Variants in RPS6KA2 observed in about 807,000 individuals in gnomAD.
RPS6KA2 encodes the protein ribosomal protein S6 kinase A2, also known as ribosomal protein S6 kinase alpha-2.
Under a neutral mutation model 91.8 loss-of-function variants are expected in RPS6KA2, and 42 were observed. That is an observed-to-expected ratio of 0.46 (90% confidence interval 0.36 to 0.59). RPS6KA2 has a LOEUF of 0.59. RPS6KA2 is among the 20% of genes least tolerant of loss of function. RPS6KA2 has a pLI of 0.00. For synonymous variants in RPS6KA2, 414 were observed against 393.6 expected, an observed-to-expected ratio of 1.05 and a Z score of -0.61; for missense variants, 798 against 978.5, an observed-to-expected ratio of 0.82 and a Z score of 2.46.
chr6:166,422,821 GA>G (rs1242594695), intron 17 of RPS6KA2, among the ~76,000 whole-genome samples: 1 of 152,090 alleles, frequency 6.6e-6, no homozygotes, highest in Non-Finnish European at 1.5e-5. Context: ...AACCAATCTG[GA>G]GTGAGAATTG....
chr6:166,757,805 T>G (rs769544339), intron 2 of RPS6KA2: 32 of 302,672 alleles, frequency 1.1e-4, no homozygotes, highest in Non-Finnish European at 1.7e-4. Context: ...TTGAAAAAAC[T>G]CTGGCTGCAG....
intron 17 of RPS6KA2, among the ~76,000 whole-genome samples, chr6:166,422,538 C>G (rs1004144979): frequency 7.9e-5 from 12 of 152,214 alleles, no homozygotes; most frequent in African/African-American, 2.7e-4. Context: ...TTGGCAACAT[C>G]AGCCACAGCC....
chr6:166,721,987 C>G (rs1044975452), intron 2 of RPS6KA2, among the ~76,000 whole-genome samples: 2 of 152,172 alleles, frequency 1.3e-5, no homozygotes, highest in African/African-American at 2.4e-5. Context: ...CATATAGACT[C>G]ATTAAAATAG....
At chr6:166,800,634 G>A (rs958149196) in intron 2 of RPS6KA2, among the ~76,000 whole-genome samples, 1 of 152,168 alleles carries the variant, frequency 6.6e-6, no homozygotes, top group Admixed American at 6.6e-5. Flanking sequence ...AACCTACAGT[G>A]CCTCGATCTT....
At chr6:166,637,231 G>A (rs187618424) in intron 2 of RPS6KA2, among the ~76,000 whole-genome samples, 228 of 152,368 alleles carry the variant, frequency 1.5e-3, no homozygotes, top group African/African-American at 5.4e-3. Flanking sequence ...GACCCTGTCC[G>A]CGCAAGGCTT....
In RPS6KA2 at chr6:166,423,711, C is replaced by T. The variant is rs1043589039; in HGVS notation, c.1582-294G>A. ...CTCTCCAAGTTGAGGCCGCAGCTTA[C>T]TGGAGCTGTCACATAAAAGGAAATG... is the stretch of plus-strand genomic sequence containing the variant. On this transcript the variant is annotated intron_variant, in intron 16 of 20. Coordinates refer to ENST00000265678, the MANE Select transcript of RPS6KA2 (RefSeq NM_021135.6). This position sits in a 1 kb window ranked among gnomAD's most constrained non-coding sequence, Gnocchi z 4.8. Among the ~76,000 whole-genome samples the T allele has an allele frequency of 1.3e-5, 2 of 152,236 alleles. No individual in the cohort carries two copies. The highest frequency in any genetic ancestry group is 2.9e-5 in the Non-Finnish European group (2 of 68,046).
At chr6:166,618,438 G>GGGTA (rs1786496866) in intron 1 of RPS6KA2, among the ~76,000 whole-genome samples, 1 of 152,164 alleles carries the variant, frequency 6.6e-6, no homozygotes, top group Non-Finnish European at 1.5e-5. Context: ...GAAGGGGTAT[G>GGGTA]GGTAGGGCCT....
At chr6:166,833,983 C>G (rs1198011857) in intron 2 of RPS6KA2, among the ~76,000 whole-genome samples, 1 of 152,044 alleles carries the variant, frequency 6.6e-6, no homozygotes, top group African/African-American at 2.4e-5. Flanking sequence ...ATCCTCCCAT[C>G]TTGGCCTCCC....
intron 7 of RPS6KA2, among the ~76,000 whole-genome samples, chr6:166,499,387 G>A (rs544846518): frequency 6.6e-6 from 1 of 152,208 alleles, no homozygotes; most frequent in Non-Finnish European, 1.5e-5. Context: ...CTGGGAATGG[G>A]CCACCTTATG....
chr6:166,412,856 T>C lies in RPS6KA2; in HGVS notation c.2108A>G (p.Asn703Ser). Residue 703 changes from asparagine to serine, a missense_variant, in exon 21 of 21, where the codon AAC (asparagine) becomes AGC (serine). Transcript: ENST00000265678. The surrounding 1 kb of genome is among the most constrained non-coding windows in gnomAD (Gnocchi z 4.3). ...GAMAATYFAL[N>S]RTPQAPRLEP... ...CAGCCGCGGGGCCTGAGGTGTTCTGTTTAGAGCAAAGTAGGTGGCGGCCAT... is the reference window on the plus strand; with the variant it reads ...CAGCCGCGGGGCCTGAGGTGTTCTGCTTAGAGCAAAGTAGGTGGCGGCCAT... The C allele has an allele frequency of 6.4e-7, 1 of 1,566,078 alleles. No homozygotes were observed. Among genetic ancestry groups the C allele is most frequent in the South Asian group, 1.2e-5 (1 of 85,140 alleles).
At position 166,500,985 on chromosome 6, in the gene RPS6KA2, G is replaced by A. The variant is rs546002091; in HGVS notation, c.567-61C>T. 77 of 1,520,798 alleles carry A rather than the reference G, an allele frequency of 5.1e-5. No homozygotes were observed. The African/African-American group carries it at 7.8e-4, about 15-fold the overall frequency. The allele number at this position is 1,520,798 out of a possible 1,614,324, so 94.2% of individuals were successfully genotyped here. On this transcript the variant is annotated intron_variant, in intron 6 of 20. Transcript: ENST00000265678. The surrounding 1 kb of genome is among the most constrained non-coding windows in gnomAD (Gnocchi z 4.3). The stretch of plus-strand genomic sequence containing the variant: ...AGAGACCCAGCCTGCCGACGGGCAC[G>A]CAGAGCTCAGAGGAGAGCTGCGGGG...
At chr6:166,461,192 T>C (rs1780274759) in intron 11 of RPS6KA2, among the ~76,000 whole-genome samples, 1 of 152,196 alleles carries the variant, frequency 6.6e-6, no homozygotes, top group Admixed American at 6.5e-5. Flanking sequence ...CCCTGAATTA[T>C]TTGCTCATTT....
intron 19 of RPS6KA2, among the ~76,000 whole-genome samples, chr6:166,416,930 T>C (rs1485050335): frequency 6.6e-6 from 1 of 152,160 alleles, no homozygotes; most frequent in Non-Finnish European, 1.5e-5. Context: ...ACCTCCACGC[T>C]CACTGCATGA....
chr6:166,527,466 A>G (rs1783098596), intron 3 of RPS6KA2, among the ~76,000 whole-genome samples: 1 of 152,198 alleles, frequency 6.6e-6, no homozygotes, highest in African/African-American at 2.4e-5. Context: ...TCTGTGTTTG[A>G]GAGCAAATCT....
intron 2 of RPS6KA2, among the ~76,000 whole-genome samples, chr6:166,835,849 C>T (rs1301819669): frequency 2.0e-5 from 3 of 152,186 alleles, no homozygotes; most frequent in African/African-American, 4.8e-5. Context: ...AGGTGTGATG[C>T]TGGCTGTCAG....
At chr6:166,793,724 A>G (rs1457183304) in intron 2 of RPS6KA2, among the ~76,000 whole-genome samples, 1 of 152,186 alleles carries the variant, frequency 6.6e-6, no homozygotes, top group Non-Finnish European at 1.5e-5. Context: ...TCTGATCTTT[A>G]ACAAACCTGA....
intron 2 of RPS6KA2, among the ~76,000 whole-genome samples, chr6:166,680,338 A>G (rs1450865276): frequency 6.6e-6 from 1 of 152,190 alleles, no homozygotes; most frequent in Non-Finnish European, 1.5e-5. Flanking sequence ...GCTCTGTAAA[A>G]TGGACCAATC....
At chr6:166,517,552 T>C (rs1169794960) in intron 3 of RPS6KA2, among the ~76,000 whole-genome samples, 1 of 140,772 alleles carries the variant, frequency 7.1e-6, no homozygotes, top group Non-Finnish European at 1.5e-5. Flanking sequence ...CTCGGCTCAC[T>C]GCAAGCTCCT....
At chr6:166,796,607 C>T (rs372791660) in intron 2 of RPS6KA2, among the ~76,000 whole-genome samples, 1 of 152,164 alleles carries the variant, frequency 6.6e-6, no homozygotes, top group East Asian at 1.9e-4. Context: ...ACAACAACAA[C>T]AAACTCATTT....
Sources: allele counts gnomAD v4.1 joint callset (sites outside exome capture counted in the v4.1 genomes callset), GRCh38; gene constraint gnomAD v4.1.1; non-coding constraint Gnocchi (gnomAD v3.1); transcripts MANE v1.5; gene names NCBI Gene and HGNC (gene_info 2026-07-23, HGNC 2026-07-21).